The following CAST variants were observed in gnomAD, a reference collection of about 807,000 sequenced individuals.
CAST encodes calpastatin.
Under a neutral mutation model 119.6 loss-of-function variants are expected in CAST, and 76 were observed. The observed-to-expected ratio is 0.64, with a 90% CI of 0.53 to 0.77. CAST has a LOEUF of 0.77. Among genes scored for constraint, CAST ranks in the 30% least tolerant of loss-of-function variants. CAST has a pLI of 0.00. For missense variants in CAST, 953 were observed against 946.5 expected, an observed-to-expected ratio of 1.01 and a Z score of -0.09; for synonymous variants, 319 against 331.6, an observed-to-expected ratio of 0.96 and a Z score of 0.41.
At chr5:96,705,896 C>G (rs548300619) in intron 3 of CAST, among the ~76,000 whole-genome samples, 3 of 152,278 alleles carry the variant, frequency 2.0e-5, no homozygotes, top group African/African-American at 7.2e-5. Context: ...TATTTAACAG[C>G]TTGCCATGAA....
chr5:96,253,597 A>C, the CAST span, among the ~76,000 whole-genome samples: 1 of 152,104 alleles, frequency 6.6e-6, no homozygotes, highest in African/African-American at 2.4e-5. Context: ...TAGTGTGACA[A>C]AGTGTAATGA....
the CAST span, among the ~76,000 whole-genome samples, chr5:96,368,789 C>T: frequency 6.6e-6 from 1 of 152,066 alleles, no homozygotes; most frequent in Non-Finnish European, 1.5e-5. Flanking sequence ...AAAAGTTTTG[C>T]AAAGTAATGT....
At chr5:96,191,885 T>A in the CAST span, among the ~76,000 whole-genome samples, 154 of 152,314 alleles carry the variant, frequency 1.0e-3, 2 homozygotes, top group East Asian at 0.023. Flanking sequence ...GGAATTTTTT[T>A]AAAAAATAAA....
chr5:96,328,373 TTCTCTCTCCCTCTCTCTCTCTCTCTC>T, the CAST span, among the ~76,000 whole-genome samples: 54 of 93,880 alleles, frequency 5.8e-4, no homozygotes, highest in East Asian at 2.1e-3. Flanking sequence ...CTGTCTTTCC[TTCTCTCTCCCTCTCTCTCTCTCTCTC>T]TCTCTCTCTC....
chr5:96,195,684 A>G, the CAST span, among the ~76,000 whole-genome samples: 4 of 152,200 alleles, frequency 2.6e-5, no homozygotes, highest in Non-Finnish European at 5.9e-5. Flanking sequence ...GTTTACTTTG[A>G]GCTTGATAGA....
chr5:96,309,219 A>G, the CAST span, among the ~76,000 whole-genome samples: 3 of 152,210 alleles, frequency 2.0e-5, no homozygotes, highest in Non-Finnish European at 4.4e-5. Context: ...GGCTCCGCCC[A>G]GTTCGAACTT....
chr5:96,247,405 G>A, the CAST span, among the ~76,000 whole-genome samples: 1 of 152,242 alleles, frequency 6.6e-6, no homozygotes, highest in Non-Finnish European at 1.5e-5. Context: ...GCATGGCTGT[G>A]TTTCACAGGA....
At chr5:96,684,430 A>T (rs1751805888) in intron 2 of CAST, among the ~76,000 whole-genome samples, 1 of 152,186 alleles carries the variant, frequency 6.6e-6, no homozygotes, top group Admixed American at 6.5e-5. Flanking sequence ...TATATATTGC[A>T]GCACCTTCCC....
Position 96,665,532 on chromosome 5 carries a change from T to C in CAST, c.75+3035T>C, listed in dbSNP as rs201954340. Among the ~76,000 whole-genome samples the C allele has an allele frequency of 3.9e-5, 6 of 152,284 alleles. No individual in the cohort carries two copies. The East Asian group carries it at 9.6e-4, about 24-fold the overall frequency. On this transcript the variant is annotated intron_variant, in intron 1 of 31. Transcript: ENST00000675179. ...CGCTAGACCATGGACTCCTAAACTT[T>C]CTTTTTTTCCTTTGGTGATAGGTGG... is the stretch of plus-strand genomic sequence containing the variant.
At chr5:96,545,338 A>G (rs866425395) in intron 1 of CAST, 1 of 152,310 alleles carries the variant, frequency 6.6e-6, no homozygotes. Flanking sequence ...TGTTAGCCCT[A>G]TGGACATAGC....
chr5:96,585,161 T>C (rs910323462), intron 1 of CAST: 8 of 152,254 alleles, frequency 5.3e-5, no homozygotes, highest in African/African-American at 1.7e-4. Context: ...GGGAAACTCC[T>C]AGACTCCATT....
At chr5:96,565,531 C>A (rs370171089) in intron 1 of CAST, among the ~76,000 whole-genome samples, 141 of 152,290 alleles carry the variant, frequency 9.3e-4, no homozygotes, top group African/African-American at 3.3e-3. Flanking sequence ...AAATTAGCAA[C>A]TACACATGCT....
At chr5:96,612,015 A>G (rs1201607829) in intron 1 of CAST, among the ~76,000 whole-genome samples, 8 of 152,234 alleles carry the variant, frequency 5.3e-5, no homozygotes, top group Admixed American at 3.9e-4. Context: ...TTGTTCAGCC[A>G]CTGTGGAGAG....
the CAST span, chr5:95,961,957 C>A: frequency 2.2e-6 from 1 of 463,242 alleles, no homozygotes; most frequent in Admixed American, 4.3e-5. Flanking sequence ...TCAGAACCGC[C>A]CTCATCGGCC....
chr5:96,516,368 T>TAA, the CAST span, among the ~76,000 whole-genome samples: 21 of 149,504 alleles, frequency 1.4e-4, no homozygotes, highest in African/African-American at 2.5e-4. Flanking sequence ...TATGTGAAAA[T>TAA]AAAAAAAAAA....
intron 1 of CAST, chr5:96,545,152 T>A (rs1350807098): frequency 6.6e-6 from 1 of 152,240 alleles, no homozygotes; most frequent in African/African-American, 2.4e-5. Context: ...TGTTGTCTGA[T>A]GTCCAATGTC....
chr5:96,617,919 G>T (rs1580847610), intron 1 of CAST, among the ~76,000 whole-genome samples: 1 of 150,698 alleles, frequency 6.6e-6, no homozygotes, highest in Admixed American at 6.6e-5. Flanking sequence ...GGAGGGAGGA[G>T]GATTTGGAGA....
rs182172396 is a variant in CAST at position 96,751,138 on chromosome 5, T to C, written c.1524+456T>C. 3.8e-3 allele frequency among the ~76,000 whole-genome samples: 579 copies of C among 152,318 alleles called. 4 individuals are homozygous for C. Among genetic ancestry groups the C allele is most frequent in the African/African-American group, 0.013 (552 of 41,562 alleles). On this transcript the variant is annotated intron_variant, in intron 20 of 31. Transcript: ENST00000675179. ...TCTTTCCTTCTTCTTTTCGTGCTTC[T>C]CTCTCACTTTCTAATTTTCACATGA... is the stretch of plus-strand genomic sequence containing the variant.
intron 10 of CAST, 109 bp from the exon 11 acceptor site, chr5:96,737,740 C>A: frequency 1.7e-6 from 1 of 603,468 alleles, no homozygotes; most frequent in Non-Finnish European, 2.9e-6. Context: ...ATTTGAAGAA[C>A]TTTTGGTGTT....
Sources: allele counts gnomAD v4.1 joint callset (sites outside exome capture counted in the v4.1 genomes callset), GRCh38; gene constraint gnomAD v4.1.1; transcripts MANE v1.5; gene names NCBI Gene and HGNC (gene_info 2026-07-23, HGNC 2026-07-21).